The following DENND3 variants were observed in gnomAD, a reference collection of about 807,000 sequenced individuals.
DENND3 encodes the protein DENN domain-containing protein 3.
DENND3 carries 88 observed loss-of-function variants against 135.1 expected under a neutral mutation model. That is an observed-to-expected ratio of 0.65 (90% CI 0.55 to 0.78). The LOEUF (loss-of-function observed/expected upper bound fraction) is 0.78. DENND3 is among the 30% of genes least tolerant of loss of function. DENND3 has a pLI of 0.00. For synonymous variants in DENND3, 693 were observed against 712.3 expected, an observed-to-expected ratio of 0.97 and a Z score of 0.43; for missense variants, 1,392 against 1,688.4, an observed-to-expected ratio of 0.82 and a Z score of 3.08.
At chr8:141,190,563 G>A (rs1335887074) in intron 20 of DENND3, 146 bp downstream of exon 20, 12 of 1,276,354 alleles carry the variant, frequency 9.4e-6, no homozygotes, top group Non-Finnish European at 1.1e-5. Context: ...TGTGGTCGCA[G>A]CAACCTTTAC....
Position 141,141,281 on chromosome 8 carries a change from T to G in DENND3, c.580T>G (p.Ser194Ala). 1 of 1,614,116 alleles carries G rather than the reference T, an allele frequency of 6.2e-7. No homozygotes were observed. Among genetic ancestry groups the G allele is most frequent in the Non-Finnish European group, 8.5e-7 (1 of 1,180,030 alleles). Residue 194 changes from serine to alanine, a missense_variant, in exon 4 of 23, where the codon TCC (serine) becomes GCC (alanine). Coordinates refer to ENST00000519811, the MANE Select transcript of DENND3 (RefSeq NM_001352890.3). This position sits in a 1 kb window ranked among gnomAD's most constrained non-coding sequence, Gnocchi z 5.3. ...CGTGCCCTTCGCGGTGTGCGTGGTCTCCAGGTTTCCCTATTACAACTCCCT... is the reference window on the plus strand; with the variant it reads ...CGTGCCCTTCGCGGTGTGCGTGGTCGCCAGGTTTCCCTATTACAACTCCCT... ...CFVPFAVCVVSRFPYYNSLKD... is the reference protein window; with the variant it reads ...CFVPFAVCVVARFPYYNSLKD...
chr8:141,144,387 C>G lies in DENND3; in HGVS notation c.735+128C>G. On this transcript the variant is annotated intron_variant, in intron 5 of 22. Transcript: ENST00000519811. This position sits in a 1 kb window ranked among gnomAD's most constrained non-coding sequence, Gnocchi z 4.4. ...TTGTAAACCTAAAATAACATCCTAA[C>G]CCCCCCGCCTCCCCACAGCTGACTG... 1.1e-6 allele frequency: 1 copy of G among 896,248 alleles called. No individual in the cohort carries two copies. Among genetic ancestry groups the G allele is most frequent in the Non-Finnish European group, 1.6e-6 (1 of 627,092 alleles). 55.5% of individuals were successfully genotyped at this position (896,248 alleles called of 1,614,324 possible).
chr8:141,173,202 G>T (rs942819924), intron 13 of DENND3, among the ~76,000 whole-genome samples: 4 of 152,260 alleles, frequency 2.6e-5, no homozygotes, highest in Non-Finnish European at 5.9e-5. Flanking sequence ...GGCCTGACAG[G>T]CCCCGCCCAC....
Position 141,182,329 on chromosome 8 carries a change from A to G in DENND3, c.2944+1475A>G, listed in dbSNP as rs1007687270. On this transcript the variant is annotated intron_variant, in intron 17 of 22. Coordinates refer to ENST00000519811, the MANE Select transcript of DENND3 (RefSeq NM_001352890.3). This position sits in a 1 kb window ranked among gnomAD's most constrained non-coding sequence, Gnocchi z 5.9. ...TTCTCTCTTCATGGCAGGCCAAGAAACCCAGGAACGCGATAGACCCTGGCT... is the reference window on the plus strand; with the variant it reads ...TTCTCTCTTCATGGCAGGCCAAGAAGCCCAGGAACGCGATAGACCCTGGCT... The G allele has an allele frequency of 2.0e-6, 2 of 985,222 alleles. No individual in the cohort carries two copies. The highest frequency in any genetic ancestry group is 9.4e-5 in the South Asian group (2 of 21,278). 61.0% of individuals were successfully genotyped at this position (985,222 alleles called of 1,614,324 possible).
rs981658383 is a variant in DENND3, at chr8:141,195,127, C to T, written c.*894C>T. The T allele has an allele frequency of 2.0e-5, 3 of 152,222 alleles. No homozygotes were observed. The highest frequency in any genetic ancestry group is 4.8e-5 in the African/African-American group (2 of 41,432). 9.4% of individuals were successfully genotyped at this position (152,222 alleles called of 1,614,324 possible). On this transcript the variant is annotated 3_prime_UTR_variant, in exon 23 of 23. Transcript: ENST00000519811. ...CGTGTGCACACTGCGTATGTGTACG[C>T]GCAGCATGCTATACTGAACTCAACA...
Position 141,128,869 on chromosome 8 carries a change from C to A in DENND3, c.102+60C>A. On this transcript the variant is annotated intron_variant, in intron 1 of 22. Transcript: ENST00000519811. This position sits in a 1 kb window ranked among gnomAD's most constrained non-coding sequence, Gnocchi z 4.5. ...ACGAGTCGGCAGCCGGGACAGCAGT[C>A]GGAGAGCGGGCGCCCGGGTGCCCTG... is the stretch of plus-strand genomic sequence containing the variant. The A allele has an allele frequency of 7.9e-7, 1 of 1,266,084 alleles. No individual in the cohort carries two copies. The highest frequency in any genetic ancestry group is 1.0e-6 in the Non-Finnish European group (1 of 973,784). 78.4% of individuals were successfully genotyped at this position (1,266,084 alleles called of 1,614,324 possible). A position where few individuals can be genotyped will look rare whatever the true frequency, so the allele number is the denominator to read the frequency against.
intron 10 of DENND3, 152 bp downstream of exon 10, chr8:141,163,581 C>T (rs955353729): frequency 2.0e-6 from 1 of 498,030 alleles, no homozygotes; most frequent in Non-Finnish European, 3.6e-6. Context: ...GTGGCTCTCC[C>T]TCTTTTTTAA....
At chr8:141,135,431 C>T (rs1043900028) in intron 1 of DENND3, among the ~76,000 whole-genome samples, 1 of 152,224 alleles carries the variant, frequency 6.6e-6, no homozygotes, top group Non-Finnish European at 1.5e-5. Context: ...GGATCACAGG[C>T]GTGAGCCACT....
intron 5 of DENND3, among the ~76,000 whole-genome samples, chr8:141,147,597 A>T (rs73362434): frequency 0.014 from 2,203 of 152,194 alleles, 46 homozygotes; most frequent in African/African-American, 0.05. Context: ...AGGTCTTCGG[A>T]TCGTCTTCTC....
intron 7 of DENND3, among the ~76,000 whole-genome samples, chr8:141,155,249 G>T (rs1341802217): frequency 6.6e-6 from 1 of 151,946 alleles, no homozygotes; most frequent in Non-Finnish European, 1.5e-5. Context: ...GCTTAACATT[G>T]GTTACGTTGA....
chr8:141,157,707 G>T, intron 8 of DENND3: 15 of 986,082 alleles, frequency 1.5e-5, no homozygotes, highest in Non-Finnish European at 1.8e-5. Flanking sequence ...CCTTGGTGTG[G>T]ATTATTCCTT....
chr8:141,145,584 C>T (rs1817931129), intron 5 of DENND3, among the ~76,000 whole-genome samples: 1 of 151,920 alleles, frequency 6.6e-6, no homozygotes, highest in Admixed American at 6.6e-5. Context: ...ATTTTATATA[C>T]TCTTCCTAAA....
chr8:141,136,009 G>T (rs1816746481), intron 1 of DENND3, among the ~76,000 whole-genome samples: 1 of 152,208 alleles, frequency 6.6e-6, no homozygotes, highest in Non-Finnish European at 1.5e-5. Flanking sequence ...TATGTGTGGG[G>T]TTTGACAATA....
chr8:141,130,655 G>T lies in DENND3; in HGVS notation c.102+1846G>T, dbSNP rs1569554637. Among the ~76,000 whole-genome samples, 1 of 151,658 alleles carries T rather than the reference G, an allele frequency of 6.6e-6. No homozygotes were observed. The highest frequency in any genetic ancestry group is 1.5e-5 in the Non-Finnish European group (1 of 67,948). ...TTTTATTTATTTAGATGTTTTTTCG[G>T]CGGTTCTATTTTGAATGTCCAAGGC... On this transcript the variant is annotated intron_variant, in intron 1 of 22. Coordinates refer to ENST00000519811, the MANE Select transcript of DENND3 (RefSeq NM_001352890.3). The surrounding 1 kb of genome is among the most constrained non-coding windows in gnomAD (Gnocchi z 4.2).
intron 5 of DENND3, among the ~76,000 whole-genome samples, chr8:141,150,522 A>C (rs1818669484): frequency 6.6e-6 from 1 of 152,242 alleles, no homozygotes; most frequent in African/African-American, 2.4e-5. Context: ...ATTTGTGTTA[A>C]TTGGGACAAA....
chr8:141,170,417 A>T (rs1821394330), intron 13 of DENND3, among the ~76,000 whole-genome samples: 1 of 151,972 alleles, frequency 6.6e-6, no homozygotes, highest in Non-Finnish European at 1.5e-5. Context: ...GTATGTGTGT[A>T]TATGTGTGCG....
chr8:141,146,794 C>T lies in DENND3; in HGVS notation c.735+2535C>T, dbSNP rs1055068278. 3.3e-5 allele frequency among the ~76,000 whole-genome samples: 5 copies of T among 152,134 alleles called. No individual in the cohort carries two copies. Among genetic ancestry groups the T allele is most frequent in the Admixed American group, 6.5e-5 (1 of 15,272 alleles). On this transcript the variant is annotated intron_variant, in intron 5 of 22. Coordinates refer to ENST00000519811, the MANE Select transcript of DENND3 (RefSeq NM_001352890.3). This position sits in a 1 kb window ranked among gnomAD's most constrained non-coding sequence, Gnocchi z 4.3. ...AGAAGCCTTTGTAGGGCATGTTTATCGGCCGCGTGTTTTATGTGGATAGTT... is the reference window on the plus strand; with the variant it reads ...AGAAGCCTTTGTAGGGCATGTTTATTGGCCGCGTGTTTTATGTGGATAGTT...
At chr8:141,161,677 C>T (rs1820141719) in intron 9 of DENND3, among the ~76,000 whole-genome samples, 1 of 152,190 alleles carries the variant, frequency 6.6e-6, no homozygotes. Context: ...GTGAAGGAGG[C>T]ACCCCCGATG....
In DENND3 at chr8:141,139,373, A is replaced by C. The variant is rs112890146; in HGVS notation, c.501+1236A>C. Reference sequence around the variant, plus strand: ...TAATGAATATGCAGGAGCAAAGCGTACTACTTGATGCTCTGAATGCATAAT... The same window carrying C: ...TAATGAATATGCAGGAGCAAAGCGTCCTACTTGATGCTCTGAATGCATAAT... On this transcript the variant is annotated intron_variant, in intron 3 of 22. Coordinates refer to ENST00000519811, the MANE Select transcript of DENND3 (RefSeq NM_001352890.3). The surrounding 1 kb of genome is among the most constrained non-coding windows in gnomAD (Gnocchi z 4.2). Among the ~76,000 whole-genome samples the C allele has an allele frequency of 5.3e-5, 8 of 152,312 alleles. No homozygotes were observed. The highest frequency in any genetic ancestry group is 1.7e-4 in the African/African-American group (7 of 41,558).
Sources: gnomAD v4.1 joint callset for allele counts (sites outside exome capture counted in the v4.1 genomes callset) on GRCh38, gnomAD v4.1.1 for gene constraint, Gnocchi (gnomAD v3.1) non-coding constraint, MANE v1.5 for transcripts, NCBI Gene and HGNC (gene_info 2026-07-23, HGNC 2026-07-21) for gene names.